STARD6: variants seen among roughly 807,000 people sequenced by gnomAD.
The protein encoded by STARD6 is StAR related lipid transfer domain containing 6, also known as stAR-related lipid transfer protein 6.
In STARD6, 21 loss-of-function variants were observed where a neutral mutation model predicts 22.3. That is an observed-to-expected ratio of 0.94 (90% CI 0.67 to 1.35). The LOEUF (loss-of-function observed/expected upper bound fraction) is 1.35, where lower values mean the gene tolerates loss of function less well. Ranked by LOEUF, STARD6 falls within the 40% of genes most tolerant of loss-of-function variation. The pLI is 0.00. For missense variants in STARD6, 269 were observed against 266.9 expected (o/e 1.01, Z -0.05); for synonymous variants, 80 against 88.1 (o/e 0.91, Z 0.52).
At chr18:54,346,996 C>T (rs1248256204) in intron 4 of STARD6, among the ~76,000 whole-genome samples, 1 of 151,996 alleles carries the variant, frequency 6.6e-6, no homozygotes, top group Non-Finnish European at 1.5e-5. Context: ...TGGTACAACT[C>T]TGTATATATA....
chr18:54,343,367 G>A lies in STARD6; in HGVS notation c.141-6116C>T, dbSNP rs1446721770. Among the ~76,000 whole-genome samples, 3 of 145,380 alleles carry A rather than the reference G, an allele frequency of 2.1e-5. No individual in the cohort carries two copies. In the East Asian group the frequency reaches 6.1e-4, roughly 30 times the overall value. ...CGGCAGCCACCCCGTCCGGGAGGGA[G>A]GTGGGGGGTCAGCCCCCCGCCCGGC... On this transcript the variant is annotated intron_variant, in intron 4 of 7. Coordinates refer to ENST00000307844, the MANE Select transcript of STARD6 (RefSeq NM_139171.2).
At chr18:54,351,161 T>A (rs1241164203) in intron 4 of STARD6, among the ~76,000 whole-genome samples, 1 of 152,166 alleles carries the variant, frequency 6.6e-6, no homozygotes, top group Non-Finnish European at 1.5e-5. Context: ...CTTTCAGCAG[T>A]GTTTTGCAGT....
intron 4 of STARD6, among the ~76,000 whole-genome samples, chr18:54,344,591 A>AAAAG (rs2089017592): frequency 6.8e-6 from 1 of 147,618 alleles, no homozygotes; most frequent in Non-Finnish European, 1.5e-5. Context: ...ATTAAAAAAA[A>AAAAG]AAAAAAAAAA....
chr18:54,345,426 TAAAC>T (rs751478921), intron 4 of STARD6, among the ~76,000 whole-genome samples: 1 of 152,280 alleles, frequency 6.6e-6, no homozygotes, highest in South Asian at 2.1e-4. Flanking sequence ...AAGCTCAAAA[TAAAC>T]AGAGAGACAT....
intron 4 of STARD6, among the ~76,000 whole-genome samples, chr18:54,339,756 CAAAATAGTAAGTCAAATCCTT>C (rs2088953458): frequency 6.6e-6 from 1 of 152,032 alleles, no homozygotes; most frequent in Non-Finnish European, 1.5e-5. Flanking sequence ...GGAAGAGACA[CAAAATAGTAAGTCAAATCCTT>C]ACAAATAAAG....
intron 7 of STARD6, among the ~76,000 whole-genome samples, chr18:54,326,959 A>T (rs1221360507): frequency 6.6e-6 from 1 of 152,170 alleles, no homozygotes; most frequent in Non-Finnish European, 1.5e-5. Flanking sequence ...AAAAGCGTGG[A>T]CTCAGGAACT....
chr18:54,332,088 A>G (rs1489155447), intron 5 of STARD6, among the ~76,000 whole-genome samples: 2 of 152,176 alleles, frequency 1.3e-5, no homozygotes, highest in Admixed American at 6.5e-5. Flanking sequence ...CTACTCTTTC[A>G]ATTTTTAGAT....
intron 5 of STARD6, among the ~76,000 whole-genome samples, chr18:54,333,952 T>TTCTCATC (rs71675358): frequency 0.03 from 4,622 of 152,268 alleles, 182 homozygotes; most frequent in African/African-American, 0.094. Context: ...ATCATTCACA[T>TTCTCATC]TCTCATCTCT....
chr18:54,343,081 G>A (rs1314137912), intron 4 of STARD6, among the ~76,000 whole-genome samples: 6 of 13,350 alleles, frequency 4.5e-4, no homozygotes, highest in East Asian at 1.7e-3. Flanking sequence ...GCCGCCCATC[G>A]TCTGAGATGT....
chr18:54,330,935 A>G (rs2088860285), intron 6 of STARD6, among the ~76,000 whole-genome samples: 1 of 152,134 alleles, frequency 6.6e-6, no homozygotes, highest in African/African-American at 2.4e-5. Context: ...CCTTAGTGGT[A>G]TGCTGCAGAA....
intron 6 of STARD6, 92 bp from the exon 7 acceptor site, chr18:54,329,532 G>A: frequency 9.8e-7 from 1 of 1,024,682 alleles, no homozygotes; most frequent in Non-Finnish European, 1.4e-6. Context: ...TAGCATTTAA[G>A]TTAGTTAATA....
chr18:54,326,417 C>T (rs565849227), intron 7 of STARD6, among the ~76,000 whole-genome samples: 3 of 151,374 alleles, frequency 2.0e-5, no homozygotes, highest in East Asian at 1.9e-4. Context: ...CTGCAAGCCC[C>T]GCCTCCCGGG....
chr18:54,335,016 T>C (rs1186232106), intron 5 of STARD6, among the ~76,000 whole-genome samples: 1 of 151,940 alleles, frequency 6.6e-6, no homozygotes, highest in Non-Finnish European at 1.5e-5. Context: ...CAAAAGAACA[T>C]AAACATCAGT....
intron 4 of STARD6, among the ~76,000 whole-genome samples, chr18:54,346,164 A>G (rs1263370814): frequency 1.3e-5 from 2 of 152,198 alleles, no homozygotes; most frequent in Non-Finnish European, 2.9e-5. Flanking sequence ...CGCAAATCAT[A>G]TATGTGATAC....
chr18:54,351,533 GA>G (rs2144695728), intron 4 of STARD6, among the ~76,000 whole-genome samples: 1 of 152,264 alleles, frequency 6.6e-6, no homozygotes, highest in African/African-American at 2.4e-5. Flanking sequence ...CAGTTTTTAG[GA>G]GGAATGCTTT....
intron 7 of STARD6, among the ~76,000 whole-genome samples, chr18:54,328,576 A>C (rs1473203268): frequency 6.6e-6 from 1 of 152,178 alleles, no homozygotes; most frequent in Non-Finnish European, 1.5e-5. Context: ...TTTCCAGTTC[A>C]GTAGAGGAAA....
At chr18:54,354,646 C>T (rs779015388) in intron 2 of STARD6, 69 bp from the exon 3 acceptor site, 317 of 1,062,160 alleles carry the variant, frequency 3.0e-4, no homozygotes, top group Non-Finnish European at 4.1e-4. Context: ...TGCTATCTTA[C>T]ATTTTAATAT....
intron 4 of STARD6, among the ~76,000 whole-genome samples, chr18:54,342,106 T>C (rs2088974486): frequency 6.6e-6 from 1 of 152,220 alleles, no homozygotes; most frequent in Non-Finnish European, 1.5e-5. Context: ...AGAAGAATGA[T>C]GTGTCAACAA....
intron 5 of STARD6, among the ~76,000 whole-genome samples, chr18:54,335,170 A>ATTTG (rs752663505): frequency 2.2e-4 from 6 of 27,778 alleles, no homozygotes; most frequent in African/African-American, 4.6e-4. Flanking sequence ...CCAGGTGGTT[A>ATTTG]TTTATTTATT....
Sources: allele counts gnomAD v4.1 joint callset (sites outside exome capture counted in the v4.1 genomes callset), GRCh38; gene constraint gnomAD v4.1.1; transcripts MANE v1.5; gene names NCBI Gene and HGNC (gene_info 2026-07-23, HGNC 2026-07-21).